Variants in NUP153 observed in about 807,000 individuals in gnomAD.
NUP153 encodes nucleoporin 153, also known as nuclear pore complex protein Nup153.
NUP153 carries 27 observed loss-of-function variants against 134.6 expected under a neutral mutation model. That is an observed-to-expected ratio of 0.20 (90% CI 0.15 to 0.28). The LOEUF (loss-of-function observed/expected upper bound fraction) is 0.28. Ranked by LOEUF, NUP153 falls within the 10% of genes least tolerant of loss-of-function variation. The probability of loss-of-function intolerance (pLI) is 1.00; values close to 1 mark genes in which losing one functional copy is unlikely to be tolerated. For missense variants in NUP153, 1,821 were observed against 1,731.3 expected (o/e 1.05, Z -0.92); for synonymous variants, 640 against 623.5 (o/e 1.03, Z -0.40).
At chr6:17,616,502 C>A in intron 21 of NUP153, 25 bp downstream of exon 21, 1 of 1,584,400 alleles carries the variant, frequency 6.3e-7, no homozygotes, top group South Asian at 1.1e-5. Flanking sequence ...TGTAACTTCT[C>A]CATTTCAATA....
In NUP153 at chr6:17,639,931, T is replaced by G; in HGVS notation, c.1846+8A>C. On this transcript the variant is annotated splice_region_variant and intron_variant, in intron 15 of 21. Coordinates refer to ENST00000262077, the MANE Select transcript of NUP153 (RefSeq NM_005124.4). ...GTAATCAAAAGGCTTATCTTTTAATTATCTTACCAGGGCTTTTCAGAATAT... is the reference window on the plus strand; with the variant it reads ...GTAATCAAAAGGCTTATCTTTTAATGATCTTACCAGGGCTTTTCAGAATAT... 1.3e-6 allele frequency: 2 copies of G among 1,593,752 alleles called. No individual in the cohort carries two copies. Among genetic ancestry groups the G allele is most frequent in the East Asian group, 2.2e-5 (1 of 44,664 alleles).
rs777391894 is a variant in NUP153 at position 17,639,912 on chromosome 6, AAAAGGCTTATCTTT to A, written c.1846+13_1846+26del. The A allele has an allele frequency of 1.3e-6, 2 of 1,580,724 alleles. No individual in the cohort carries two copies. The highest frequency in any genetic ancestry group is 2.7e-5 in the African/African-American group (2 of 72,876). ...AAATTGAGATCATGAGTTTGTAATC[AAAAGGCTTATCTTT>A]TAATTATCTTACCAGGGCTTTTCAG... On this transcript the variant is annotated intron_variant, in intron 15 of 21. Coordinates refer to ENST00000262077, the MANE Select transcript of NUP153 (RefSeq NM_005124.4).
chr6:17,650,702 T>C (rs1480483916), intron 11 of NUP153, among the ~76,000 whole-genome samples: 1 of 143,108 alleles, frequency 7.0e-6, no homozygotes. Context: ...TGTTACCAAA[T>C]GAAAATTCAG....
chr6:17,646,336 C>A (rs1443365694), intron 13 of NUP153, among the ~76,000 whole-genome samples, 182 bp from the exon 14 acceptor site: 1 of 151,652 alleles, frequency 6.6e-6, no homozygotes, highest in Non-Finnish European at 1.5e-5. Context: ...GCCTCCCGAG[C>A]AGCTGGGACT....
In NUP153 at chr6:17,675,458, G is replaced by GA. The variant is rs1017103954; in HGVS notation, c.583+63dup. The GA allele has an allele frequency of 4.9e-5, 78 of 1,576,180 alleles. No individual in the cohort carries two copies. The highest frequency in any genetic ancestry group is 5.9e-5 in the South Asian group (5 of 84,760). ...GAAAATAAAAATTACAACCAAGTCA[G>GA]AAAAAAAACCCATAAAATTTAATGT... On this transcript the variant is annotated intron_variant, in intron 3 of 21. Coordinates refer to ENST00000262077, the MANE Select transcript of NUP153 (RefSeq NM_005124.4). This position sits in a 1 kb window ranked among gnomAD's most constrained non-coding sequence, Gnocchi z 4.4.
Position 17,674,804 on chromosome 6 carries a change from T to C in NUP153, c.852+101A>G, listed in dbSNP as rs560836927. On this transcript the variant is annotated intron_variant, in intron 5 of 21. Coordinates refer to ENST00000262077, the MANE Select transcript of NUP153 (RefSeq NM_005124.4). ...ATATAAATAAAAGAAAAATAAAAAA[T>C]AAATCAAAACTATTTTTTTGAGCAC... 2.4e-4 allele frequency: 237 copies of C among 1,007,056 alleles called. 1 individual carries two copies. The African/African-American group carries it at 2.9e-3, about 12-fold the overall frequency. The allele number at this position is 1,007,056 out of a possible 1,614,324, so 62.4% of individuals were successfully genotyped here.
chr6:17,635,351 CA>C (rs1248327953), intron 16 of NUP153, among the ~76,000 whole-genome samples: 3 of 151,972 alleles, frequency 2.0e-5, no homozygotes, highest in Non-Finnish European at 4.4e-5. Context: ...CCTGGTGATC[CA>C]CTCGCCTCGG....
In NUP153 at chr6:17,639,942, G is replaced by C. The variant is rs1474361812; in HGVS notation, c.1843C>G (p.Pro615Ala). Residue 615 changes from proline (P) to alanine (A), a missense_variant, in exon 15 of 22, where the codon CCT becomes GCT. Coordinates refer to ENST00000262077, the MANE Select transcript of NUP153 (RefSeq NM_005124.4). ...EGSVLDILKSPGFASPKIDSV... is the reference protein window; with the variant it reads ...EGSVLDILKSAGFASPKIDSV... ...GCTTATCTTTTAATTATCTTACCAG[G>C]GCTTTTCAGAATATCTAGAACACTT... 1.2e-6 allele frequency: 2 copies of C among 1,601,828 alleles called. No homozygotes were observed. The highest frequency in any genetic ancestry group is 1.7e-6 in the Non-Finnish European group (2 of 1,176,510).
chr6:17,679,083 A>T (rs1362439325), intron 2 of NUP153, among the ~76,000 whole-genome samples: 2 of 152,218 alleles, frequency 1.3e-5, no homozygotes, highest in Admixed American at 6.5e-5. Context: ...AACTAAGACT[A>T]GAACGAAACT....
intron 2 of NUP153, among the ~76,000 whole-genome samples, chr6:17,682,062 T>C (rs940303462): frequency 2.0e-5 from 3 of 151,896 alleles, no homozygotes; most frequent in African/African-American, 4.8e-5. Context: ...TTTTAAAACA[T>C]AGCTAGGCAT....
At position 17,615,958 on chromosome 6, in the gene NUP153, G is replaced by C. The variant is rs929592747; in HGVS notation, c.*139C>G. On this transcript the variant is annotated 3_prime_UTR_variant, in exon 22 of 22. Transcript: ENST00000262077. This position sits in a 1 kb window ranked among gnomAD's most constrained non-coding sequence, Gnocchi z 5.7. Reference sequence around the variant, plus strand: ...GCAGGGTGGGGCTTCTGTAACGAAAGAGAAAGGAGGAAAATTCCAAAATTA... The same window carrying C: ...GCAGGGTGGGGCTTCTGTAACGAAACAGAAAGGAGGAAAATTCCAAAATTA... 3.2e-5 allele frequency: 18 copies of C among 569,618 alleles called. No individual in the cohort carries two copies. In the African/African-American group the frequency reaches 3.2e-4, roughly 10 times the overall value. 35.3% of individuals were successfully genotyped at this position (569,618 alleles called of 1,614,324 possible).
chr6:17,656,159 T>G (rs958160334), intron 11 of NUP153, among the ~76,000 whole-genome samples: 1 of 152,106 alleles, frequency 6.6e-6, no homozygotes, highest in African/African-American at 2.4e-5. Flanking sequence ...GAGCCAAGAT[T>G]GCGCCACTGC....
At position 17,625,862 on chromosome 6, in the gene NUP153, T is replaced by C. The variant is rs1764918419; in HGVS notation, c.3847A>G (p.Asn1283Asp). 1 of 1,614,230 alleles carries C rather than the reference T, an allele frequency of 6.2e-7. No homozygotes were observed. Among genetic ancestry groups the C allele is most frequent in the South Asian group, 1.1e-5 (1 of 91,088 alleles). Residue 1283 changes from asparagine (N) to aspartate (D), a missense_variant, in exon 19 of 22, where the codon AAT becomes GAT. Asn to Asp is a conservative substitution (Grantham distance 23). Coordinates refer to ENST00000262077, the MANE Select transcript of NUP153 (RefSeq NM_005124.4). The surrounding 1 kb of genome is among the most constrained non-coding windows in gnomAD (Gnocchi z 4.7). ...FVFGPGASSN[N>D]TTTSGFGFGA... ...AAGCCGAAACCAGAGGTGGTAGTATTATTACTGCTGGCTCCTGGACCAAAG... is the reference window on the plus strand; with the variant it reads ...AAGCCGAAACCAGAGGTGGTAGTATCATTACTGCTGGCTCCTGGACCAAAG...
chr6:17,671,100 G>C (rs150786193), intron 5 of NUP153, among the ~76,000 whole-genome samples: 103 of 152,074 alleles, frequency 6.8e-4, no homozygotes, highest in African/African-American at 2.3e-3. Flanking sequence ...CACCACACCT[G>C]GTCTAATCCC....
At chr6:17,677,501 A>C (rs1236226117) in intron 2 of NUP153, among the ~76,000 whole-genome samples, 1 of 152,218 alleles carries the variant, frequency 6.6e-6, no homozygotes, top group Admixed American at 6.5e-5. Flanking sequence ...ACAAGACTTT[A>C]AAGCAGCTAT....
At chr6:17,630,161 TG>T (rs1211889245) in intron 17 of NUP153, among the ~76,000 whole-genome samples, 1 of 152,140 alleles carries the variant, frequency 6.6e-6, no homozygotes, top group Non-Finnish European at 1.5e-5. Flanking sequence ...AAAGAAACTT[TG>T]AAAGATTTAC....
At chr6:17,694,558 G>A (rs1005359348) in intron 1 of NUP153, among the ~76,000 whole-genome samples, 2 of 152,128 alleles carry the variant, frequency 1.3e-5, no homozygotes, top group Admixed American at 1.3e-4. Flanking sequence ...TCAGGAGGCT[G>A]AGGGGGAAGA....
chr6:17,685,109 A>T (rs530290631), intron 2 of NUP153, among the ~76,000 whole-genome samples: 31 of 152,380 alleles, frequency 2.0e-4, no homozygotes, highest in Admixed American at 1.8e-3. Context: ...TTTGTAAAAA[A>T]TGCAGTATGT....
At chr6:17,689,111 C>T (rs1769123018) in intron 1 of NUP153, among the ~76,000 whole-genome samples, 1 of 151,834 alleles carries the variant, frequency 6.6e-6, no homozygotes, top group Non-Finnish European at 1.5e-5. Context: ...TCTGGCCAAG[C>T]GAGGTGGTTC....
Sources: allele counts gnomAD v4.1 joint callset (sites outside exome capture counted in the v4.1 genomes callset), GRCh38; gene constraint gnomAD v4.1.1; non-coding constraint Gnocchi (gnomAD v3.1); transcripts MANE v1.5; gene names NCBI Gene and HGNC (gene_info 2026-07-23, HGNC 2026-07-21).